The following TMEM132B variants were observed in gnomAD, a reference collection of about 807,000 sequenced individuals.
TMEM132B encodes the protein transmembrane protein 132B.
TMEM132B carries 18 observed loss-of-function variants against 90.8 expected under a neutral mutation model. The observed-to-expected ratio is 0.20, with a 90% CI of 0.14 to 0.29. TMEM132B has a LOEUF of 0.29. Among genes scored for constraint, TMEM132B ranks in the 10% least tolerant of loss-of-function variants. TMEM132B has a pLI of 1.00. For missense variants in TMEM132B, 1,096 were observed against 1,326.8 expected, an observed-to-expected ratio of 0.83 and a Z score of 2.70; for synonymous variants, 504 against 523.3, an observed-to-expected ratio of 0.96 and a Z score of 0.50.
At chr12:125,211,099 A>T (rs1317678936) in intron 1 of TMEM132B, among the ~76,000 whole-genome samples, 1 of 151,654 alleles carries the variant, frequency 6.6e-6, no homozygotes, top group Non-Finnish European at 1.5e-5. Context: ...CAAGGGGATT[A>T]TTTTTTCATG....
At chr12:125,364,824 A>G (rs903700196) in intron 2 of TMEM132B, among the ~76,000 whole-genome samples, 14 of 152,028 alleles carry the variant, frequency 9.2e-5, no homozygotes, top group African/African-American at 3.1e-4. Flanking sequence ...ATAGCAATAC[A>G]GTTGATTTTT....
intron 1 of TMEM132B, among the ~76,000 whole-genome samples, chr12:125,231,341 G>A (rs1269288783): frequency 6.6e-6 from 1 of 152,042 alleles, no homozygotes. Context: ...ATCTGCCAAG[G>A]CTGTATTTTC....
intron 1 of TMEM132B, among the ~76,000 whole-genome samples, chr12:125,262,245 CAAAAA>C (rs11307058): frequency 4.7e-5 from 4 of 84,310 alleles, no homozygotes; most frequent in Admixed American, 1.4e-4. Flanking sequence ...CCTGTTTCTA[CAAAAA>C]AAAAAAAAAA....
At chr12:125,593,924 A>G (rs1230085558) in intron 5 of TMEM132B, among the ~76,000 whole-genome samples, 1 of 152,188 alleles carries the variant, frequency 6.6e-6, no homozygotes, top group African/African-American at 2.4e-5. Context: ...ACAGTCAGTA[A>G]ACTTCACATA....
intron 5 of TMEM132B, among the ~76,000 whole-genome samples, chr12:125,619,135 T>C (rs1338878012): frequency 2.6e-5 from 4 of 152,038 alleles, no homozygotes; most frequent in African/African-American, 4.8e-5. Context: ...CTTCTGGCTG[T>C]TTTTGAAACA....
chr12:125,269,376 G>A (rs1201070998), intron 1 of TMEM132B, among the ~76,000 whole-genome samples: 1 of 152,182 alleles, frequency 6.6e-6, no homozygotes, highest in East Asian at 1.9e-4. Flanking sequence ...GTGGAGCGAG[G>A]CAGGCAGCCT....
intron 1 of TMEM132B, among the ~76,000 whole-genome samples, chr12:125,312,700 C>T (rs947955756): frequency 3.3e-5 from 5 of 152,186 alleles, no homozygotes; most frequent in African/African-American, 9.7e-5. Flanking sequence ...ATGTACTCAC[C>T]GTGAGAGCTG....
At chr12:125,346,644 C>T (rs761630666) in intron 1 of TMEM132B, among the ~76,000 whole-genome samples, 2 of 152,206 alleles carry the variant, frequency 1.3e-5, no homozygotes, top group Non-Finnish European at 2.9e-5. Context: ...ATACAGATTG[C>T]CCCTTGGTGG....
At chr12:125,343,806 A>T (rs540580848) in intron 1 of TMEM132B, among the ~76,000 whole-genome samples, 149 of 152,320 alleles carry the variant, frequency 9.8e-4, no homozygotes, top group Admixed American at 2.8e-3. Flanking sequence ...GTTGGCAAAC[A>T]TAGCTGCCAG....
intron 1 of TMEM132B, among the ~76,000 whole-genome samples, chr12:125,230,032 A>G (rs1055087194): frequency 2.6e-5 from 4 of 152,222 alleles, no homozygotes; most frequent in African/African-American, 9.6e-5. Flanking sequence ...CCTGAAGGAC[A>G]AGGGCCGGGA....
chr12:125,269,952 A>C (rs748046843), intron 1 of TMEM132B, among the ~76,000 whole-genome samples: 4 of 151,856 alleles, frequency 2.6e-5, no homozygotes, highest in Non-Finnish European at 5.9e-5. Flanking sequence ...GAAAAGAGCA[A>C]GGGGATCACT....
At chr12:125,649,286 A>C (rs1461250268) in intron 6 of TMEM132B, among the ~76,000 whole-genome samples, 1 of 152,236 alleles carries the variant, frequency 6.6e-6, no homozygotes, top group African/African-American at 2.4e-5. Flanking sequence ...ATTGCCAGCT[A>C]TCTGGGCTAC....
intron 1 of TMEM132B, among the ~76,000 whole-genome samples, chr12:125,226,437 C>T (rs1873683200): frequency 6.6e-6 from 1 of 152,258 alleles, no homozygotes; most frequent in Admixed American, 6.5e-5. Context: ...CACATTTAAT[C>T]TTCACACAGC....
intron 1 of TMEM132B, among the ~76,000 whole-genome samples, chr12:125,332,583 C>CT (rs201828438): frequency 0.017 from 881 of 52,406 alleles, 136 homozygotes; most frequent in Non-Finnish European, 0.026. Context: ...AGAGAGTTGG[C>CT]TTTTTTTTTT....
intron 5 of TMEM132B, among the ~76,000 whole-genome samples, chr12:125,593,165 ATT>A (rs1885359572): frequency 1.3e-5 from 2 of 152,172 alleles, no homozygotes; most frequent in Non-Finnish European, 2.9e-5. Flanking sequence ...TTATTGCCTA[ATT>A]TTGTCCTTCT....
intron 2 of TMEM132B, among the ~76,000 whole-genome samples, chr12:125,370,655 C>T (rs181906548): frequency 2.6e-5 from 4 of 152,256 alleles, no homozygotes; most frequent in African/African-American, 4.8e-5. Flanking sequence ...GCAATCCTCC[C>T]GCGTCAGCCT....
chr12:125,305,526 G>A (rs139055043), intron 1 of TMEM132B, among the ~76,000 whole-genome samples: 22 of 152,142 alleles, frequency 1.4e-4, no homozygotes, highest in African/African-American at 4.8e-4. Flanking sequence ...CCATGGCATC[G>A]CGGACAGTTA....
intron 5 of TMEM132B, chr12:125,622,643 C>T: frequency 1.0e-6 from 1 of 985,424 alleles, no homozygotes; most frequent in Non-Finnish European, 1.2e-6. Context: ...GTTTAGGTGT[C>T]CAGCCTTCTC....
In TMEM132B at chr12:125,246,645, C is replaced by T. The variant is rs555220111; in HGVS notation, c.67+59779C>T. On this transcript the variant is annotated intron_variant, in intron 1 of 8. Transcript: ENST00000682704. The surrounding 1 kb of genome is among the most constrained non-coding windows in gnomAD (Gnocchi z 4.2). ...CCATTTAAAGAGGAAGCCCTGGTTC[C>T]AGTGTTGGCTTCAGAGAACAAACAA... Among the ~76,000 whole-genome samples the T allele has an allele frequency of 6.6e-6, 1 of 152,320 alleles. No individual in the cohort carries two copies. The highest frequency in any genetic ancestry group is 2.1e-4 in the South Asian group (1 of 4,820).
Sources: allele counts gnomAD v4.1 joint callset (sites outside exome capture counted in the v4.1 genomes callset), GRCh38; gene constraint gnomAD v4.1.1; non-coding constraint Gnocchi (gnomAD v3.1); transcripts MANE v1.5; gene names NCBI Gene and HGNC (gene_info 2026-07-23, HGNC 2026-07-21).